The following SNX27 variants were observed in gnomAD, a reference collection of about 807,000 sequenced individuals.
The protein encoded by SNX27 is sorting nexin 27, also known as sorting nexin-27.
In SNX27, 22 loss-of-function variants were observed where a neutral mutation model predicts 71.6. The ratio of observed to expected loss-of-function variants is 0.31; its 90% confidence interval spans 0.22 to 0.44. The LOEUF (loss-of-function observed/expected upper bound fraction) is 0.44. SNX27 is among the 20% of genes least tolerant of loss of function. The pLI, the probability that SNX27 is intolerant of heterozygous loss-of-function variation, is 1.00. For synonymous variants in SNX27, 269 were observed against 277.2 expected (o/e 0.97, Z 0.29); for missense variants, 531 against 698.6 (o/e 0.76, Z 2.70).
At chr1:151,670,490 G>C (rs985860733) in intron 7 of SNX27, among the ~76,000 whole-genome samples, 1 of 152,134 alleles carries the variant, frequency 6.6e-6, no homozygotes, top group East Asian at 1.9e-4. Flanking sequence ...CTGAGTGGTT[G>C]TACAAGTTAC....
At chr1:151,630,442 CTATT>C (rs1435453720) in intron 1 of SNX27, among the ~76,000 whole-genome samples, 12 of 152,100 alleles carry the variant, frequency 7.9e-5, no homozygotes, top group African/African-American at 2.9e-4. Context: ...CCAGATTTTA[CTATT>C]TATTAGAAAA....
At chr1:151,627,638 G>A (rs1245775499) in intron 1 of SNX27, among the ~76,000 whole-genome samples, 1 of 152,054 alleles carries the variant, frequency 6.6e-6, no homozygotes, top group African/African-American at 2.4e-5. Context: ...ATGATGCCCA[G>A]GCTGGTCTCG....
intron 7 of SNX27, chr1:151,676,982 C>G (rs565429041): frequency 6.6e-6 from 1 of 151,794 alleles, no homozygotes; most frequent in African/African-American, 2.4e-5. Flanking sequence ...TAGCATCTCT[C>G]TGCTCTTAAT....
chr1:151,612,360 C>T lies in SNX27; in HGVS notation c.159C>T (p.Tyr53=). 6.5e-7 allele frequency: 1 copy of T among 1,548,570 alleles called. No homozygotes were observed. The highest frequency in any genetic ancestry group is 2.7e-5 in the East Asian group (1 of 37,696). Residue 53 remains tyrosine (Y), a synonymous_variant, in exon 1 of 12, where the codon TAC becomes TAT. Transcript: ENST00000458013. The surrounding 1 kb of genome is among the most constrained non-coding windows in gnomAD (Gnocchi z 5.2). ...VVRIVKSESG[Y]GFNVRGQVSE... ...GCATCGTCAAGTCCGAGTCCGGCTA[C>T]GGCTTCAACGTGCGGGGCCAAGTGA... is the stretch of plus-strand genomic sequence containing the variant.
At position 151,674,876 on chromosome 1, in the gene SNX27, C is replaced by T. The variant is rs533942829; in HGVS notation, c.1149+6241C>T. 7.2e-3 allele frequency among the ~76,000 whole-genome samples: 1,094 copies of T among 151,814 alleles called. 4 individuals carry two copies. The highest frequency in any genetic ancestry group is 0.012 in the Non-Finnish European group (813 of 67,938). On this transcript the variant is annotated intron_variant, in intron 7 of 11. Coordinates refer to ENST00000458013, the MANE Select transcript of SNX27 (RefSeq NM_001330723.2). ...TAATTTTTGTATTTTTTAGTAGAGA[C>T]GGGGTTTCACCATGTTGGCCAGGAT...
In SNX27 at chr1:151,612,575, G is replaced by C. The variant is rs1571742072; in HGVS notation, c.311+63G>C. 1 of 1,156,920 alleles carries C rather than the reference G, an allele frequency of 8.6e-7. No individual in the cohort carries two copies. Among genetic ancestry groups the C allele is most frequent in the Non-Finnish European group, 1.1e-6 (1 of 918,894 alleles). 71.7% of individuals were successfully genotyped at this position (1,156,920 alleles called of 1,614,324 possible). ...CGCCCCTCCTGCCCCTGCACTCCTC[G>C]CTACCCTTGTCACCCCCAGGCCGCA... On this transcript the variant is annotated intron_variant, in intron 1 of 11. Transcript: ENST00000458013. The surrounding 1 kb of genome is among the most constrained non-coding windows in gnomAD (Gnocchi z 5.2).
chr1:151,630,497 G>T (rs1225194340), intron 1 of SNX27, among the ~76,000 whole-genome samples: 2 of 152,076 alleles, frequency 1.3e-5, no homozygotes, highest in African/African-American at 2.4e-5. Context: ...ACTTTCTCTT[G>T]TTGTGCTTTT....
In SNX27 at chr1:151,692,477, A is replaced by C; in HGVS notation, c.1282A>C (p.Ile428Leu). The C allele has an allele frequency of 6.3e-7, 1 of 1,584,958 alleles. No homozygotes were observed. Among genetic ancestry groups the C allele is most frequent in the Non-Finnish European group, 8.5e-7 (1 of 1,175,502 alleles). Residue 428 changes from isoleucine to leucine, a missense_variant, in exon 9 of 12, where the codon ATC becomes CTC. Physicochemically the swap from Ile to Leu is conservative, Grantham distance 5. Coordinates refer to ENST00000458013, the MANE Select transcript of SNX27 (RefSeq NM_001330723.2). ...GACTTGTGAGGGCTACAATGAAATC[A>C]TCTTTCCCCACTGTGCCTGTGACTC... ...LRTCEGYNEI[I>L]FPHCACDSRR... is the part of the protein sequence containing the mutation.
chr1:151,673,124 A>C (rs1420723331), intron 7 of SNX27, among the ~76,000 whole-genome samples: 1 of 151,740 alleles, frequency 6.6e-6, no homozygotes, highest in African/African-American at 2.4e-5. Flanking sequence ...CCTTCTTAGT[A>C]CTGCTTTTGC....
chr1:151,651,283 A>ACC (rs557687435), intron 2 of SNX27, among the ~76,000 whole-genome samples: 1 of 138,854 alleles, frequency 7.2e-6, no homozygotes, highest in Non-Finnish European at 1.5e-5. Flanking sequence ...CGGGAGGCTG[A>ACC]CCCCCCTACC....
rs1343322111 is a variant in SNX27, at chr1:151,615,617, T to G, written c.311+3105T>G. On this transcript the variant is annotated intron_variant, in intron 1 of 11. Coordinates refer to ENST00000458013, the MANE Select transcript of SNX27 (RefSeq NM_001330723.2). The stretch of plus-strand genomic sequence containing the variant: ...CTTTGCATGTTGCTGAAGAGCCAGG[T>G]GGGGTCAGAATTAGGGATAGGTGGA... The G allele has an allele frequency of 4.8e-6, 4 of 830,560 alleles. No individual in the cohort carries two copies. In the East Asian group the frequency reaches 4.9e-4, roughly 102 times the overall value. The allele number at this position is 830,560 out of a possible 1,614,324, so 51.4% of individuals were successfully genotyped here. A position where few individuals can be genotyped will look rare whatever the true frequency, so the allele number is the denominator to read the frequency against.
chr1:151,668,667 T>A (rs1670321860), intron 7 of SNX27, 32 bp downstream of exon 7: 1 of 1,596,328 alleles, frequency 6.3e-7, no homozygotes, highest in Admixed American at 1.8e-5. Context: ...AAAGGCACAA[T>A]TTCTTTTTAT....
At chr1:151,651,621 C>G (rs1669383803) in intron 2 of SNX27, among the ~76,000 whole-genome samples, 1 of 150,386 alleles carries the variant, frequency 6.6e-6, no homozygotes, top group Non-Finnish European at 1.5e-5. Context: ...GGGGCAGAGG[C>G]GCTCCCCACA....
intron 8 of SNX27, among the ~76,000 whole-genome samples, chr1:151,687,274 CA>C (rs1671224643): frequency 6.6e-6 from 1 of 152,190 alleles, no homozygotes; most frequent in African/African-American, 2.4e-5. Flanking sequence ...ATTGATTTCA[CA>C]CAAGGCAGCA....
In SNX27 at chr1:151,658,340, C is replaced by T. The variant is rs1669792526; in HGVS notation, c.649C>T (p.Pro217Ser). The T allele has an allele frequency of 1.2e-6, 2 of 1,614,060 alleles. No homozygotes were observed. Among genetic ancestry groups the T allele is most frequent in the African/African-American group, 1.3e-5 (1 of 74,930 alleles). The change falls in exon 3 of 12, where the codon CCT (proline) becomes TCT (serine). Residue 217 changes from proline to serine, a missense_variant. Pro to Ser is a moderately conservative substitution (Grantham distance 74, BLOSUM62 -1). Coordinates refer to ENST00000458013, the MANE Select transcript of SNX27 (RefSeq NM_001330723.2). ...LKREFANFTF[P>S]RLPGKWPFSL... is the part of the protein sequence containing the mutation. The stretch of plus-strand genomic sequence containing the variant: ...GAGAGAGTTTGCCAACTTTACATTT[C>T]CTCGACTCCCAGGGAAGTGGCCATT...
intron 1 of SNX27, among the ~76,000 whole-genome samples, chr1:151,619,809 G>A (rs188470329): frequency 4.6e-5 from 7 of 152,140 alleles, no homozygotes; most frequent in Non-Finnish European, 1.0e-4. Flanking sequence ...AGCACACACT[G>A]TATATAAAGA....
chr1:151,658,191 A>G (rs1280762119), intron 2 of SNX27, 44 bp from the exon 3 acceptor site: 1 of 1,537,636 alleles, frequency 6.5e-7, no homozygotes, highest in African/African-American at 1.4e-5. Flanking sequence ...TTGTGATTTA[A>G]TTTGTATTAA....
rs1181236274 is a variant in SNX27 at position 151,696,232 on chromosome 1, A to C, written c.*1815A>C. 6.6e-6 allele frequency: 1 copy of C among 152,216 alleles called. No homozygotes were observed. Among genetic ancestry groups the C allele is most frequent in the East Asian group, 1.9e-4 (1 of 5,190 alleles). The allele number at this position is 152,216 out of a possible 1,614,324, so 9.4% of individuals were successfully genotyped here. A position where few individuals can be genotyped will look rare whatever the true frequency, so the allele number is the denominator to read the frequency against. The stretch of plus-strand genomic sequence containing the variant: ...TATTCCCAGCCCCTAAGCTCTGTAG[A>C]TAATGCATAAGAAGCACCAAGTCAG... On this transcript the variant is annotated 3_prime_UTR_variant, in exon 12 of 12. Transcript: ENST00000458013.
intron 5 of SNX27, among the ~76,000 whole-genome samples, chr1:151,664,491 G>A (rs929811537): frequency 6.6e-6 from 1 of 151,866 alleles, no homozygotes; most frequent in Non-Finnish European, 1.5e-5. Context: ...TTTCCCTAAG[G>A]AGTCCTATTC....
Sources: gnomAD v4.1 joint callset for allele counts (sites outside exome capture counted in the v4.1 genomes callset) on GRCh38, gnomAD v4.1.1 for gene constraint, Gnocchi (gnomAD v3.1) non-coding constraint, MANE v1.5 for transcripts, NCBI Gene and HGNC (gene_info 2026-07-23, HGNC 2026-07-21) for gene names.